The following TPRN variants were observed in gnomAD, a reference collection of about 807,000 sequenced individuals.
TPRN encodes the protein taperin.
In TPRN, 32 loss-of-function variants were observed where a neutral mutation model predicts 42.6. The observed-to-expected ratio is 0.75, with a 90% confidence interval of 0.57 to 1.01. The LOEUF (loss-of-function observed/expected upper bound fraction) is 1.01, where lower values mean the gene tolerates loss of function less well. TPRN is among the 50% of genes least tolerant of loss of function. The pLI is 0.00. For synonymous variants in TPRN, 541 were observed against 445.6 expected (o/e 1.21, Z -2.70); for missense variants, 1,095 against 957.5 (o/e 1.14, Z -1.90).
intron 1 of TPRN, among the ~76,000 whole-genome samples, chr9:137,196,585 C>G (rs1222141751): frequency 1.3e-5 from 2 of 151,972 alleles, no homozygotes; most frequent in Admixed American, 6.5e-5. Flanking sequence ...AAGACTCTGT[C>G]TCAAAAAACA....
chr9:137,193,937 G>A (rs1230967140), intron 1 of TPRN: 1 of 152,232 alleles, frequency 6.6e-6, no homozygotes, highest in African/African-American at 2.4e-5. Flanking sequence ...GCGGCCACAC[G>A]GCCCACACAG....
rs140967677 is a variant in TPRN at position 137,199,000 on chromosome 9, G to C, written c.1712C>G (p.Ser571Cys). The part of the protein sequence containing the change: ...LQKSCLTKAG[S>C]SRKKMKISFN... ...CCCACCACTGACCTTCTTTCTTGAG[G>C]AGCCAGCCTTGGTGAGGCAGGACTT... The change falls in exon 1 of 4, where the codon TCC becomes TGC. Residue 571 changes from serine to cysteine, a missense_variant. Transcript: ENST00000409012. 1.3e-4 allele frequency: 206 copies of C among 1,612,866 alleles called. 1 individual carries two copies. In the African/African-American group the frequency reaches 2.2e-3, roughly 17 times the overall value.
At chr9:137,196,378 G>T (rs1834705995) in intron 1 of TPRN, among the ~76,000 whole-genome samples, 2 of 152,242 alleles carry the variant, frequency 1.3e-5, no homozygotes, top group African/African-American at 4.8e-5. Flanking sequence ...TCTGAGGTCA[G>T]GAGTTCGAGA....
Position 137,192,572 on chromosome 9 carries a change from T to TTCCTCCTCCTCC in TPRN, c.1833_1844dup (p.Glu618_Glu621dup), listed in dbSNP as rs376810326. The TTCCTCCTCCTCC allele has an allele frequency of 3.7e-6, 6 of 1,608,314 alleles. No individual in the cohort carries two copies. The Admixed American group carries it at 6.7e-5, about 18-fold the overall frequency. ...CGGATCCCTCTTCCTCCTCTTCCTC[T>TTCCTCCTCCTCC]TCCTCCTCCTCCTCCTCCTCCTCCT... On this transcript the variant is annotated inframe_insertion, in exon 2 of 4. Coordinates refer to ENST00000409012, the MANE Select transcript of TPRN (RefSeq NM_001128228.3).
rs930919670 is a variant in TPRN at position 137,199,710 on chromosome 9, G to A, written c.1002C>T (p.Ile334=). 16 of 1,611,238 alleles carry A rather than the reference G, an allele frequency of 9.9e-6. No individual in the cohort carries two copies. In the African/African-American group the frequency reaches 1.7e-4, roughly 17 times the overall value. Residue 334 remains isoleucine, a synonymous_variant, in exon 1 of 4, where the codon ATC becomes ATT. Transcript: ENST00000409012. Reference sequence around the variant, plus strand: ...GAGCCCCGGAGGCCTTGCTCTTGGGGATGACCATGAAAGAATTTCGAGAGT... The same window carrying A: ...GAGCCCCGGAGGCCTTGCTCTTGGGAATGACCATGAAAGAATTTCGAGAGT... ...RANSRNSFMV[I]PKSKASGAPP...
intron 1 of TPRN, chr9:137,192,968 C>T: frequency 1.9e-6 from 1 of 513,528 alleles, no homozygotes; most frequent in Non-Finnish European, 3.5e-6. Context: ...TCCCCAGAAG[C>T]CTCTAGACCA....
At chr9:137,197,594 C>T (rs1285157189) in intron 1 of TPRN, among the ~76,000 whole-genome samples, 2 of 152,326 alleles carry the variant, frequency 1.3e-5, no homozygotes, top group East Asian at 3.9e-4. Context: ...CAGTTTCTCT[C>T]TACAAAGGGG....
rs150844105 is a variant in TPRN, at chr9:137,192,137, C to T, written c.2111G>A (p.Arg704His). ...TCAGAAATACAGGGCTGGCTCGCTG[C>T]GGAAGTCCGAGAGGTCATTCTGACT... Reference protein sequence around the residue: ...PASQNDLSDFRSEPALYF With the variant: ...PASQNDLSDFHSEPALYF The change falls in exon 4 of 4, where the codon CGC (arginine) becomes CAC (histidine). Residue 704 changes from arginine (R) to histidine (H), a missense_variant. Arg to His is a conservative substitution (Grantham distance 29). Coordinates refer to ENST00000409012, the MANE Select transcript of TPRN (RefSeq NM_001128228.3). 8.7e-5 allele frequency: 140 copies of T among 1,613,582 alleles called. No homozygotes were observed. In the African/African-American group the frequency reaches 1.1e-3, roughly 13 times the overall value.
rs1161092674 is a variant in TPRN, at chr9:137,200,677, CGCGGCCCCGAGCCCGGCCGCCCCAGG to C, written c.9_34del (p.Leu4ArgfsTer9). On this transcript the variant is annotated frameshift_variant, in exon 1 of 4. Coordinates refer to ENST00000409012, the MANE Select transcript of TPRN (RefSeq NM_001128228.3). LOFTEE classifies it high-confidence loss of function. This position sits in a 1 kb window ranked among gnomAD's most constrained non-coding sequence, Gnocchi z 4.3. ...ACGCTTCCAAGCGGGCACCGCAGCG[CGCGGCCCCGAGCCCGGCCGCCCCAGG>C]GCGGCCATGCTGCGAACGCGGCAGC... 10 of 1,229,002 alleles carry C rather than the reference CGCGGCCCCGAGCCCGGCCGCCCCAGG, an allele frequency of 8.1e-6. No homozygotes were observed. The highest frequency in any genetic ancestry group is 1.0e-5 in the Non-Finnish European group (10 of 974,172). 76.1% of individuals were successfully genotyped at this position (1,229,002 alleles called of 1,614,324 possible). A position where few individuals can be genotyped will look rare whatever the true frequency, so the allele number is the denominator to read the frequency against.
intron 1 of TPRN, among the ~76,000 whole-genome samples, chr9:137,195,288 G>A: frequency 6.6e-6 from 1 of 152,258 alleles, no homozygotes. Flanking sequence ...TGTGGCCCCA[G>A]CGCCAGGCAC....
rs965205816 is a variant in TPRN, at chr9:137,199,557, G to A, written c.1155C>T (p.Pro385=). 5.1e-6 allele frequency: 8 copies of A among 1,560,346 alleles called. No individual in the cohort carries two copies. The highest frequency in any genetic ancestry group is 6.9e-6 in the Non-Finnish European group (8 of 1,152,856). Residue 385 remains proline (P), a synonymous_variant, in exon 1 of 4, where the codon CCC becomes CCT. Coordinates refer to ENST00000409012, the MANE Select transcript of TPRN (RefSeq NM_001128228.3). The part of the protein sequence containing the change: ...GDGAPALGKS[P]LEVEAQWAVE... ...CTGCCCACTGTGCCTCGACCTCCAG[G>A]GGGCTCTTCCCGAGGGCAGGCGCAC... is the stretch of plus-strand genomic sequence containing the variant.
In TPRN at chr9:137,193,070, A is replaced by C. The variant is rs566388312; in HGVS notation, c.1726-379T>G. 106 of 284,130 alleles carry C rather than the reference A, an allele frequency of 3.7e-4. 1 individual carries two copies. The highest frequency in any genetic ancestry group is 2.1e-3 in the African/African-American group (96 of 46,048). The allele number at this position is 284,130 out of a possible 1,614,324, so 17.6% of individuals were successfully genotyped here. On this transcript the variant is annotated intron_variant, in intron 1 of 3. Transcript: ENST00000409012. ...AACTGGGGTGGACACATCCCCTCCCACCAAGCAGCTCTAGAGCAGGAACAG... is the reference window on the plus strand; with the variant it reads ...AACTGGGGTGGACACATCCCCTCCCCCCAAGCAGCTCTAGAGCAGGAACAG...
In TPRN at chr9:137,192,003, G is replaced by T; in HGVS notation, c.*109C>A. The T allele has an allele frequency of 1.5e-6, 2 of 1,374,230 alleles. No homozygotes were observed. The highest frequency in any genetic ancestry group is 2.0e-6 in the Non-Finnish European group (2 of 992,776). The allele number at this position is 1,374,230 out of a possible 1,614,324, so 85.1% of individuals were successfully genotyped here. A position where few individuals can be genotyped will look rare whatever the true frequency, so the allele number is the denominator to read the frequency against. On this transcript the variant is annotated 3_prime_UTR_variant, in exon 4 of 4. Transcript: ENST00000409012. Reference sequence around the variant, plus strand: ...TTCCAGGGCCAGGAGGGGTGGGTGGGATACAGTGAGGCCAAACAAGGCAGA... The same window carrying T: ...TTCCAGGGCCAGGAGGGGTGGGTGGTATACAGTGAGGCCAAACAAGGCAGA...
chr9:137,192,324 T>G lies in TPRN; in HGVS notation c.2008A>C (p.Lys670Gln). The G allele has an allele frequency of 6.2e-7, 1 of 1,613,004 alleles. No individual in the cohort carries two copies. The highest frequency in any genetic ancestry group is 8.5e-7 in the Non-Finnish European group (1 of 1,180,014). Reference protein sequence around the residue: ...YTPKHSVAFSKWQEQALEQAP... With the variant: ...YTPKHSVAFSQWQEQALEQAP... ...TGCTCCAGCGCCTGCTCCTGCCACT[T>G]GCTGAAGGCCACAGAGTGCTTCGGG... The change falls in exon 3 of 4, where the codon AAG (lysine) becomes CAG (glutamine). Residue 670 changes from lysine (K) to glutamine (Q), a missense_variant. By Grantham distance (53) the Lys-to-Gln change is moderately conservative. Transcript: ENST00000409012.
intron 1 of TPRN, 131 bp downstream of exon 1, chr9:137,198,856 G>A (rs746259086): frequency 5.0e-5 from 77 of 1,552,056 alleles, no homozygotes; most frequent in Non-Finnish European, 6.2e-5. Context: ...GCCCCAGCTC[G>A]CCTCAAGTCC....
chr9:137,192,735 G>A lies in TPRN; in HGVS notation c.1726-44C>T, dbSNP rs190009457. The A allele has an allele frequency of 2.0e-4, 325 of 1,603,882 alleles. No individual in the cohort carries two copies. The African/African-American group carries it at 3.9e-3, about 19-fold the overall frequency. ...TGAACGAGGGCTGAGGGCCCACATG[G>A]GCACAGTGATGCCAGGGGCTCAGGT... On this transcript the variant is annotated intron_variant, in intron 1 of 3. Coordinates refer to ENST00000409012, the MANE Select transcript of TPRN (RefSeq NM_001128228.3).
rs751004191 is a variant in TPRN, at chr9:137,192,638, G to A, written c.1779C>T (p.Ser593=). ...CTTCCTCCTGCTCTAGGGAGCTCTC[G>A]GAAGGGTACTCAAATGTGGTCTGCA... The part of the protein sequence containing the change: ...KSLQTTFEYP[S]ESSLEQEEEV... The change falls in exon 2 of 4, where the codon TCC becomes TCT. Residue 593 remains serine, a synonymous_variant. Transcript: ENST00000409012. The A allele has an allele frequency of 6.8e-6, 11 of 1,613,726 alleles. No homozygotes were observed. The highest frequency in any genetic ancestry group is 1.1e-5 in the South Asian group (1 of 91,090).
At chr9:137,198,118 T>C (rs896551560) in intron 1 of TPRN, among the ~76,000 whole-genome samples, 1 of 152,082 alleles carries the variant, frequency 6.6e-6, no homozygotes, top group Non-Finnish European at 1.5e-5. Flanking sequence ...AGTGCCTGGA[T>C]AGGAAGACCC....
rs754935020 is a variant in TPRN, at chr9:137,199,125, G to A, written c.1587C>T (p.Ala529=). 2.0e-5 allele frequency: 32 copies of A among 1,613,066 alleles called. No homozygotes were observed. Among genetic ancestry groups the A allele is most frequent in the South Asian group, 1.8e-4 (16 of 91,090 alleles). The change falls in exon 1 of 4, where the codon GCC becomes GCT. Residue 529 remains alanine, a synonymous_variant. Transcript: ENST00000409012. Reference sequence around the variant, plus strand: ...GGAGGCAACTAGCCTCCTCCTCCTCGGCCTCCCGTGGCCGAGGCTCCCTGT... The same window carrying A: ...GGAGGCAACTAGCCTCCTCCTCCTCAGCCTCCCGTGGCCGAGGCTCCCTGT... ...QANREPRPRE[A]EEEEASCLLG...
Sources: gnomAD v4.1 joint callset for allele counts (sites outside exome capture counted in the v4.1 genomes callset) on GRCh38, gnomAD v4.1.1 for gene constraint, Gnocchi (gnomAD v3.1) non-coding constraint, MANE v1.5 for transcripts, NCBI Gene and HGNC (gene_info 2026-07-23, HGNC 2026-07-21) for gene names.